The following TAFA1 variants were observed in gnomAD, a reference collection of about 807,000 sequenced individuals.
TAFA1 encodes TAFA chemokine like family member 1.
Under a neutral mutation model 18.5 loss-of-function variants are expected in TAFA1, and 4 were observed. That is an observed-to-expected ratio of 0.22 (90% confidence interval 0.11 to 0.49). TAFA1 has a LOEUF of 0.49. Among genes scored for constraint, TAFA1 ranks in the 20% least tolerant of loss-of-function variants. The pLI is 0.98. For synonymous variants in TAFA1, 56 were observed against 55.2 expected, an observed-to-expected ratio of 1.01 and a Z score of -0.06; for missense variants, 147 against 169.0, an observed-to-expected ratio of 0.87 and a Z score of 0.72.
At chr3:68,338,883 G>A (rs879672017) in intron 2 of TAFA1, among the ~76,000 whole-genome samples, 5 of 152,186 alleles carry the variant, frequency 3.3e-5, no homozygotes, top group Non-Finnish European at 7.3e-5. Flanking sequence ...GCAAGGCTTG[G>A]ATTCGTGCTG....
intron 2 of TAFA1, among the ~76,000 whole-genome samples, chr3:68,013,386 T>C (rs1704509791): frequency 6.6e-6 from 1 of 152,160 alleles, no homozygotes; most frequent in Non-Finnish European, 1.5e-5. Flanking sequence ...TATGTAGATA[T>C]TTGACTCTAT....
At chr3:68,225,329 C>G (rs531572231) in intron 2 of TAFA1, among the ~76,000 whole-genome samples, 10 of 152,104 alleles carry the variant, frequency 6.6e-5, no homozygotes, top group Non-Finnish European at 1.3e-4. Flanking sequence ...AATGTCTAAT[C>G]GGAACTTGTG....
At chr3:68,032,714 A>G (rs1292998652) in intron 2 of TAFA1, among the ~76,000 whole-genome samples, 1 of 151,926 alleles carries the variant, frequency 6.6e-6, no homozygotes, top group Admixed American at 6.6e-5. Context: ...TGTTTCCTTC[A>G]GTGGAACCTC....
At chr3:68,297,593 G>T (rs2068231839) in intron 2 of TAFA1, among the ~76,000 whole-genome samples, 1 of 152,160 alleles carries the variant, frequency 6.6e-6, no homozygotes, top group South Asian at 2.1e-4. Flanking sequence ...ATTCAGTTTT[G>T]TGTATTCCTC....
chr3:68,179,793 A>G (rs770485315), intron 2 of TAFA1, among the ~76,000 whole-genome samples: 2 of 152,016 alleles, frequency 1.3e-5, no homozygotes, highest in Non-Finnish European at 2.9e-5. Context: ...TTTCTTTTGG[A>G]TTGTCAAATA....
chr3:68,349,427 T>C lies in TAFA1; in HGVS notation c.119-67853T>C, dbSNP rs115635307. 9.2e-3 allele frequency among the ~76,000 whole-genome samples: 1,400 copies of C among 152,154 alleles called. 20 individuals are homozygous for C. The highest frequency in any genetic ancestry group is 0.032 in the African/African-American group (1,323 of 41,528). On this transcript the variant is annotated intron_variant, in intron 2 of 4. Coordinates refer to ENST00000478136, the MANE Select transcript of TAFA1 (RefSeq NM_213609.4). ...CCTTAGAGACTACAGCAAAGACTAATAAAGGACGATAAAGTCCTACGGCAC... is the reference window on the plus strand; with the variant it reads ...CCTTAGAGACTACAGCAAAGACTAACAAAGGACGATAAAGTCCTACGGCAC...
chr3:68,074,358 G>C (rs1034509320), intron 2 of TAFA1, among the ~76,000 whole-genome samples: 5 of 152,124 alleles, frequency 3.3e-5, no homozygotes, highest in African/African-American at 1.2e-4. Flanking sequence ...GTGGTCTGGG[G>C]ATTGGGAACC....
intron 2 of TAFA1, among the ~76,000 whole-genome samples, chr3:68,303,583 A>G (rs1052776214): frequency 2.0e-5 from 3 of 152,014 alleles, no homozygotes; most frequent in Non-Finnish European, 2.9e-5. Flanking sequence ...CGAGTAGCTG[A>G]AACTACAGGC....
intron 2 of TAFA1, among the ~76,000 whole-genome samples, chr3:68,200,711 A>G (rs897484948): frequency 6.6e-6 from 1 of 151,662 alleles, no homozygotes; most frequent in Non-Finnish European, 1.5e-5. Context: ...CATTTTTAAT[A>G]TTAGTAGTTT....
At chr3:68,181,029 C>T (rs1037034531) in intron 2 of TAFA1, among the ~76,000 whole-genome samples, 1 of 152,182 alleles carries the variant, frequency 6.6e-6, no homozygotes, top group African/African-American at 2.4e-5. Flanking sequence ...ACACAAAGTA[C>T]GGACGAGAAG....
chr3:68,378,236 G>A (rs544439648), intron 2 of TAFA1, among the ~76,000 whole-genome samples: 32 of 152,324 alleles, frequency 2.1e-4, no homozygotes, highest in African/African-American at 7.0e-4. Context: ...GCTAGCCCAT[G>A]AAAAGGCTGC....
At chr3:68,028,800 G>A (rs1026947227) in intron 2 of TAFA1, among the ~76,000 whole-genome samples, 77 of 151,272 alleles carry the variant, frequency 5.1e-4, no homozygotes, top group South Asian at 2.1e-4. Flanking sequence ...TTGCCCAGGC[G>A]GGAATGCAGT....
intron 2 of TAFA1, among the ~76,000 whole-genome samples, chr3:68,251,404 T>TA (rs2067193082): frequency 6.6e-6 from 1 of 152,256 alleles, no homozygotes; most frequent in African/African-American, 2.4e-5. Flanking sequence ...TGTTAGGAGT[T>TA]ACAATATTCC....
intron 2 of TAFA1, among the ~76,000 whole-genome samples, chr3:68,332,141 G>A (rs546309507): frequency 4.0e-5 from 6 of 151,736 alleles, no homozygotes; most frequent in Admixed American, 3.9e-4. Flanking sequence ...GAGATTACAG[G>A]TGTGAGCCAC....
intron 2 of TAFA1, among the ~76,000 whole-genome samples, chr3:68,069,871 G>A (rs2064729989): frequency 6.6e-6 from 1 of 152,170 alleles, no homozygotes; most frequent in African/African-American, 2.4e-5. Context: ...GTCTCACATC[G>A]AGGTCACACT....
At chr3:68,430,333 G>GA (rs1401507994) in intron 3 of TAFA1, among the ~76,000 whole-genome samples, 1 of 151,938 alleles carries the variant, frequency 6.6e-6, no homozygotes, top group Non-Finnish European at 1.5e-5. Context: ...AAAGTTGAGA[G>GA]AAAGCCATGG....
chr3:68,217,324 C>A (rs2066672090), intron 2 of TAFA1, among the ~76,000 whole-genome samples: 1 of 151,802 alleles, frequency 6.6e-6, no homozygotes, highest in Non-Finnish European at 1.5e-5. Context: ...TAATCCCAGT[C>A]TAATTATGGA....
chr3:68,144,955 G>T, intron 2 of TAFA1: 1 of 834,284 alleles, frequency 1.2e-6, no homozygotes, highest in South Asian at 1.4e-5. Flanking sequence ...ATAAAATAAT[G>T]ACTATAAAGT....
intron 2 of TAFA1, among the ~76,000 whole-genome samples, chr3:68,347,284 C>T (rs2069178375): frequency 6.6e-6 from 1 of 152,148 alleles, no homozygotes; most frequent in African/African-American, 2.4e-5. Context: ...CACCTCTTCC[C>T]TCTCTCTCTT....
Sources: allele counts gnomAD v4.1 joint callset (sites outside exome capture counted in the v4.1 genomes callset), GRCh38; gene constraint gnomAD v4.1.1; transcripts MANE v1.5; gene names NCBI Gene and HGNC (gene_info 2026-07-23, HGNC 2026-07-21).